LOC127933115: variants seen among roughly 807,000 people sequenced by gnomAD.
chrX:23,783,305 A>C, the LOC127933115 span: 1 of 1,148,484 alleles, frequency 8.7e-7, no homozygotes, highest in African/African-American at 1.8e-5. Flanking sequence ...CCTACTGTTC[A>C]AGTACAGGGG....
chrX:23,783,364 G>C, the LOC127933115 span: 1 of 1,211,306 alleles, frequency 8.3e-7, no homozygotes, highest in Non-Finnish European at 1.1e-6. Flanking sequence ...GGCTAAATTC[G>C]TGATCCGCCC....
chrX:23,783,358 A>G, the LOC127933115 span: 2 of 1,209,391 alleles, frequency 1.7e-6, no homozygotes, highest in Admixed American at 2.2e-5. Flanking sequence ...GAAAATGGCT[A>G]AATTCGTGAT....
At chrX:23,783,290 C>T in the LOC127933115 span, 2 of 1,068,512 alleles carry the variant, frequency 1.9e-6, no homozygotes, top group Non-Finnish European at 2.6e-6. Flanking sequence ...GAGGAACCAC[C>T]TCCTCCTACT....
the LOC127933115 span, chrX:23,783,329 G>A: frequency 2.5e-6 from 3 of 1,206,055 alleles, no homozygotes; most frequent in Non-Finnish European, 3.4e-6. Context: ...GGTCCGCAAA[G>A]GGAAGAAAAG....
the LOC127933115 span, chrX:23,783,364 G>A: frequency 2.5e-6 from 3 of 1,211,307 alleles, no homozygotes; most frequent in East Asian, 8.9e-5. Context: ...GGCTAAATTC[G>A]TGATCCGCCC....
chrX:23,783,364 G>T, the LOC127933115 span: 1 of 1,211,307 alleles, frequency 8.3e-7, no homozygotes, highest in Non-Finnish European at 1.1e-6. Context: ...GGCTAAATTC[G>T]TGATCCGCCC....
chrX:23,783,334 G>A, the LOC127933115 span: 6 of 1,207,281 alleles, frequency 5.0e-6, no homozygotes, highest in Admixed American at 1.1e-4. Context: ...GCAAAGGGAA[G>A]AAAAGCAAAA....
At chrX:23,783,354 G>T in the LOC127933115 span, 1 of 1,210,898 alleles carries the variant, frequency 8.3e-7, no homozygotes, top group Non-Finnish European at 1.1e-6. Context: ...AGACGAAAAT[G>T]GCTAAATTCG....
the LOC127933115 span, chrX:23,783,356 C>T: frequency 8.3e-7 from 1 of 1,211,036 alleles, no homozygotes; most frequent in Non-Finnish European, 1.1e-6. Flanking sequence ...ACGAAAATGG[C>T]TAAATTCGTG....
chrX:23,783,339 G>A, the LOC127933115 span: 7 of 1,209,702 alleles, frequency 5.8e-6, no homozygotes, highest in Admixed American at 1.3e-4. Context: ...GGGAAGAAAA[G>A]CAAAAGACGA....
chrX:23,783,352 A>G, the LOC127933115 span: 1 of 1,210,467 alleles, frequency 8.3e-7, no homozygotes, highest in South Asian at 1.8e-5. Context: ...AAAGACGAAA[A>G]TGGCTAAATT....
chrX:23,783,336 A>G, the LOC127933115 span: 9 of 1,209,356 alleles, frequency 7.4e-6, no homozygotes, highest in Non-Finnish European at 2.2e-6. Context: ...AAAGGGAAGA[A>G]AAGCAAAAGA....
chrX:23,783,315 G>C, the LOC127933115 span: 3 of 1,180,302 alleles, frequency 2.5e-6, no homozygotes. Context: ...AAGTACAGGG[G>C]CCTGGTCCGC....
the LOC127933115 span, chrX:23,783,366 G>T: frequency 8.3e-7 from 1 of 1,211,265 alleles, no homozygotes; most frequent in Non-Finnish European, 1.1e-6. Flanking sequence ...CTAAATTCGT[G>T]ATCCGCCCAG....
the LOC127933115 span, chrX:23,783,310 C>T: frequency 1.7e-6 from 2 of 1,167,925 alleles, no homozygotes; most frequent in Non-Finnish European, 2.3e-6. Flanking sequence ...TGTTCAAGTA[C>T]AGGGGCCTGG....
the LOC127933115 span, chrX:23,783,288 A>G: frequency 5.7e-6 from 6 of 1,056,112 alleles, no homozygotes; most frequent in African/African-American, 3.7e-5. Flanking sequence ...ATGAGGAACC[A>G]CCTCCTCCTA....
Sources: allele counts gnomAD v4.1 joint callset, GRCh38; gene constraint gnomAD v4.1.1; transcripts MANE v1.5.